ESRRB: variants seen among roughly 807,000 people sequenced by gnomAD.
ESRRB encodes the protein steroid hormone receptor ERR2.
Under a neutral mutation model 46.0 loss-of-function variants are expected in ESRRB, and 16 were observed. That is an observed-to-expected ratio of 0.35 (90% CI 0.24 to 0.53). ESRRB has a LOEUF of 0.53. Ranked by LOEUF, ESRRB falls within the 20% of genes least tolerant of loss-of-function variation. ESRRB has a pLI of 0.93. For missense variants in ESRRB, 488 were observed against 607.4 expected (o/e 0.80, Z 2.07); for synonymous variants, 246 against 259.6 (o/e 0.95, Z 0.50).
At chr14:76,350,719 GGA>G (rs767155491) in intron 1 of ESRRB, among the ~76,000 whole-genome samples, 27 of 152,204 alleles carry the variant, frequency 1.8e-4, no homozygotes, top group Non-Finnish European at 2.8e-4. Context: ...GATTGTTGAG[GGA>G]GAGAGACCGG....
intron 1 of ESRRB, among the ~76,000 whole-genome samples, chr14:76,431,089 A>G (rs925329632): frequency 1.3e-5 from 2 of 152,236 alleles, no homozygotes; most frequent in Non-Finnish European, 2.9e-5. Flanking sequence ...CAAGGTCAGG[A>G]GTTCGATACC....
Position 76,376,564 on chromosome 14 carries a change from G to A in ESRRB, c.50+113G>A, listed in dbSNP as rs528374527. ...TTGTGTAAAAGTGGAAGGGACTTCG[G>A]GGGGGCACTTGGGGGACGAAGGAGG... On this transcript the variant is annotated intron_variant, in intron 1 of 6. Transcript: ENST00000644823. This position sits in a 1 kb window ranked among gnomAD's most constrained non-coding sequence, Gnocchi z 4.1. 15 of 694,248 alleles carry A rather than the reference G, an allele frequency of 2.2e-5. No homozygotes were observed. In the East Asian group the frequency reaches 5.1e-4, roughly 24 times the overall value. 43.0% of individuals were successfully genotyped at this position (694,248 alleles called of 1,614,324 possible).
At chr14:76,434,617 A>G (rs931235710) in intron 1 of ESRRB, among the ~76,000 whole-genome samples, 1 of 151,172 alleles carries the variant, frequency 6.6e-6, no homozygotes, top group Non-Finnish European at 1.5e-5. Flanking sequence ...CCAAGATCGC[A>G]CACCTGCACT....
chr14:76,409,087 T>C (rs756529933), intron 1 of ESRRB, among the ~76,000 whole-genome samples: 17 of 151,534 alleles, frequency 1.1e-4, no homozygotes, highest in Non-Finnish European at 2.4e-4. Context: ...TCTCCATCTG[T>C]AAAATGGGAA....
Position 76,482,532 on chromosome 14 carries a change from T to A in ESRRB, c.689-66T>A. The A allele has an allele frequency of 6.3e-7, 1 of 1,589,468 alleles. No homozygotes were observed. ...ACCCAACTTTGCTTCCTGACCCATC[T>A]GAGCCTCCACCCCGGCCCCTTTCCT... On this transcript the variant is annotated intron_variant, in intron 4 of 6. Coordinates refer to ENST00000644823, the MANE Select transcript of ESRRB (RefSeq NM_001379180.1). The surrounding 1 kb of genome is among the most constrained non-coding windows in gnomAD (Gnocchi z 4.3).
intron 1 of ESRRB, among the ~76,000 whole-genome samples, chr14:76,365,977 C>A (rs1287959332): frequency 9.2e-5 from 14 of 152,198 alleles, no homozygotes; most frequent in Admixed American, 7.9e-4. Context: ...CAAGGTGTAG[C>A]AGACTATTGG....
intron 1 of ESRRB, among the ~76,000 whole-genome samples, chr14:76,402,415 G>A (rs1272449210): frequency 1.3e-5 from 2 of 152,160 alleles, no homozygotes; most frequent in Non-Finnish European, 2.9e-5. Context: ...TCACTCAAGT[G>A]TTTTCCTTAT....
chr14:76,388,992 C>G (rs902210193), intron 1 of ESRRB, among the ~76,000 whole-genome samples: 2 of 152,176 alleles, frequency 1.3e-5, no homozygotes, highest in African/African-American at 4.8e-5. Context: ...GACAGCATCA[C>G]ACTCTAAACC....
intron 1 of ESRRB, among the ~76,000 whole-genome samples, chr14:76,353,341 T>G (rs987547512): frequency 6.6e-6 from 1 of 152,160 alleles, no homozygotes; most frequent in African/African-American, 2.4e-5. Flanking sequence ...GATGGGCAGC[T>G]GAAAGGCCCT....
intron 2 of ESRRB, among the ~76,000 whole-genome samples, chr14:76,449,597 T>G (rs1214356907): frequency 6.6e-6 from 1 of 151,932 alleles, no homozygotes; most frequent in East Asian, 1.9e-4. Context: ...CCCTTTGTAG[T>G]GATTCACTCA....
rs1367188523 is a variant in ESRRB at position 76,499,199 on chromosome 14, A to C, written c.*741A>C. 3.7e-6 allele frequency: 1 copy of C among 269,550 alleles called. No individual in the cohort carries two copies. The allele number at this position is 269,550 out of a possible 1,614,324, so 16.7% of individuals were successfully genotyped here. A position where few individuals can be genotyped will look rare whatever the true frequency, so the allele number is the denominator to read the frequency against. On this transcript the variant is annotated 3_prime_UTR_variant, in exon 7 of 7. Transcript: ENST00000644823. ...CCTGACCCTACCTCAGAGCTCACTCACCCAGTGGGTTCAGCCAGCCACAGC... is the reference window on the plus strand; with the variant it reads ...CCTGACCCTACCTCAGAGCTCACTCCCCCAGTGGGTTCAGCCAGCCACAGC...
At chr14:76,425,770 G>A (rs1887172185) in intron 1 of ESRRB, among the ~76,000 whole-genome samples, 1 of 152,072 alleles carries the variant, frequency 6.6e-6, no homozygotes, top group Non-Finnish European at 1.5e-5. Flanking sequence ...GTGCAGTGGT[G>A]TGATCTCTGC....
At chr14:76,484,029 T>C (rs142655433) in intron 5 of ESRRB, among the ~76,000 whole-genome samples, 2,235 of 152,298 alleles carry the variant, frequency 0.015, 67 homozygotes, top group African/African-American at 0.051. Flanking sequence ...AATTTTTTTG[T>C]ATTTTTAGTA....
chr14:76,313,632 T>G (rs1883764953), intron 1 of ESRRB, among the ~76,000 whole-genome samples: 1 of 152,202 alleles, frequency 6.6e-6, no homozygotes, highest in South Asian at 2.1e-4. Flanking sequence ...CAAACGATTT[T>G]ACATAGTTGA....
chr14:76,425,553 G>C (rs2139899140), intron 1 of ESRRB, among the ~76,000 whole-genome samples: 1 of 151,810 alleles, frequency 6.6e-6, no homozygotes, highest in East Asian at 2.0e-4. Flanking sequence ...TCCAGCAACA[G>C]ATTTCCCTGC....
At chr14:76,352,964 G>A (rs1019279993) in intron 1 of ESRRB, among the ~76,000 whole-genome samples, 22 of 152,216 alleles carry the variant, frequency 1.4e-4, no homozygotes, top group Admixed American at 1.2e-3. Flanking sequence ...GTGGCACACG[G>A]CCCCGAATCG....
intron 3 of ESRRB, among the ~76,000 whole-genome samples, chr14:76,476,194 A>G (rs138475209): frequency 6.6e-6 from 1 of 152,050 alleles, no homozygotes; most frequent in East Asian, 1.9e-4. Context: ...GGGATTATCA[A>G]TTTTTTTCTA....
At chr14:76,367,979 G>A (rs1272093602), upstream of ESRRB, among the ~76,000 whole-genome samples, 1 of 141,750 alleles carries the variant, frequency 7.1e-6, no homozygotes, top group South Asian at 2.3e-4. Context: ...TTGAGACGGA[G>A]TCTCGCTCTG....
At chr14:76,462,719 T>C in intron 3 of ESRRB, 58 bp downstream of exon 3, 1 of 1,320,038 alleles carries the variant, frequency 7.6e-7, no homozygotes, top group Non-Finnish European at 1.1e-6. Context: ...GGGGAGTTTT[T>C]GTCCCCTGTG....
Sources: allele counts gnomAD v4.1 joint callset (sites outside exome capture counted in the v4.1 genomes callset), GRCh38; gene constraint gnomAD v4.1.1; non-coding constraint Gnocchi (gnomAD v3.1); transcripts MANE v1.5; gene names NCBI Gene and HGNC (gene_info 2026-07-23, HGNC 2026-07-21).